The following PGM5 variants were observed in gnomAD, a reference collection of about 807,000 sequenced individuals.
PGM5 encodes phosphoglucomutase 5, also known as phosphoglucomutase-like protein 5.
PGM5 carries 23 observed loss-of-function variants against 59.2 expected under a neutral mutation model. The ratio of observed to expected loss-of-function variants is 0.39; its 90% CI spans 0.28 to 0.55. PGM5 has a LOEUF of 0.55. Among genes scored for constraint, PGM5 ranks in the 20% least tolerant of loss-of-function variants. The probability of loss-of-function intolerance (pLI) is 0.66; values close to 1 mark genes in which losing one functional copy is unlikely to be tolerated. For missense variants in PGM5, 574 were observed against 748.3 expected (o/e 0.77, Z 2.72); for synonymous variants, 214 against 286.0 (o/e 0.75, Z 2.54).
chr9:68,375,579 C>T (rs577089950), intron 1 of PGM5, among the ~76,000 whole-genome samples: 81 of 152,306 alleles, frequency 5.3e-4, no homozygotes, highest in Admixed American at 1.0e-3. Context: ...ATTCTCCATT[C>T]ATTAATTCAA....
At chr9:68,417,794 T>C (rs1823060152) in intron 6 of PGM5, among the ~76,000 whole-genome samples, 1 of 152,230 alleles carries the variant, frequency 6.6e-6, no homozygotes, top group Non-Finnish European at 1.5e-5. Flanking sequence ...TCTTGGGATC[T>C]GATGCTAGAC....
At chr9:68,510,353 A>G (rs1554689287) in intron 10 of PGM5, among the ~76,000 whole-genome samples, 1 of 151,808 alleles carries the variant, frequency 6.6e-6, no homozygotes, top group Non-Finnish European at 1.5e-5. Flanking sequence ...GGCTTTCACC[A>G]TGTTAGTCAG....
chr9:68,483,624 A>G (rs556797378), intron 8 of PGM5, among the ~76,000 whole-genome samples: 105 of 152,292 alleles, frequency 6.9e-4, no homozygotes, highest in African/African-American at 2.4e-3. Flanking sequence ...TCTCAATGTG[A>G]TGGGAATTTA....
rs750282732 is a variant in PGM5, at chr9:68,521,891, G to A, written c.1615-7676G>A. Reference sequence around the variant, plus strand: ...CCTCTCAGCTGCTCCTACAGACAGCGGCCAGTGCTCTTGCTCTCTCCCCTT... The same window carrying A: ...CCTCTCAGCTGCTCCTACAGACAGCAGCCAGTGCTCTTGCTCTCTCCCCTT... On this transcript the variant is annotated intron_variant, in intron 10 of 10. Coordinates refer to ENST00000396396, the MANE Select transcript of PGM5 (RefSeq NM_021965.4). Among the ~76,000 whole-genome samples the A allele has an allele frequency of 6.6e-5, 10 of 152,144 alleles. 1 individual carries two copies. Among genetic ancestry groups the A allele is most frequent in the Admixed American group, 3.9e-4 (6 of 15,266 alleles).
intron 6 of PGM5, among the ~76,000 whole-genome samples, chr9:68,461,548 C>T (rs575137939): frequency 9.9e-4 from 151 of 152,208 alleles, no homozygotes; most frequent in African/African-American, 3.6e-3. Flanking sequence ...AGAGATAGGG[C>T]CTTTAAGAGG....
chr9:68,473,055 C>T (rs1026294499), intron 7 of PGM5, among the ~76,000 whole-genome samples: 2 of 152,044 alleles, frequency 1.3e-5, no homozygotes. Context: ...AAGATCTGAA[C>T]ATAAGTGGTT....
intron 6 of PGM5, among the ~76,000 whole-genome samples, chr9:68,453,120 C>T (rs1823723063): frequency 6.6e-6 from 1 of 152,172 alleles, no homozygotes; most frequent in African/African-American, 2.4e-5. Flanking sequence ...ATACTCTACC[C>T]TCTTTGTGAA....
intron 1 of PGM5, among the ~76,000 whole-genome samples, chr9:68,376,902 C>CTCTT (rs201227927): frequency 5.2e-5 from 6 of 114,350 alleles, no homozygotes; most frequent in East Asian, 2.6e-4. Flanking sequence ...TTCTTTCTCT[C>CTCTT]TCTTTCTTTC....
intron 6 of PGM5, chr9:68,397,272 T>G: frequency 6.5e-6 from 1 of 152,774 alleles, no homozygotes. Flanking sequence ...TATTAAATAA[T>G]CTTTTGTGTC....
At chr9:68,426,624 T>C (rs1453875249) in intron 6 of PGM5, among the ~76,000 whole-genome samples, 1 of 152,054 alleles carries the variant, frequency 6.6e-6, no homozygotes, top group Non-Finnish European at 1.5e-5. Context: ...TTTTTTTTTT[T>C]TTTTGGCCAA....
chr9:68,528,011 C>G (rs527382147), intron 10 of PGM5, among the ~76,000 whole-genome samples: 20 of 152,288 alleles, frequency 1.3e-4, no homozygotes, highest in African/African-American at 4.8e-4. Context: ...TGTCTTGTAC[C>G]TTGTGCATTT....
intron 6 of PGM5, among the ~76,000 whole-genome samples, chr9:68,407,748 G>A (rs1318909279): frequency 6.6e-6 from 1 of 152,156 alleles, no homozygotes; most frequent in Non-Finnish European, 1.5e-5. Flanking sequence ...TGTGCATATT[G>A]TGAGCATTTG....
rs782788583 is a variant in PGM5 at position 68,391,691 on chromosome 9, A to G, written c.855A>G (p.Glu285=). 1.2e-5 allele frequency: 19 copies of G among 1,613,046 alleles called. No homozygotes were observed. Among genetic ancestry groups the G allele is most frequent in the Non-Finnish European group, 1.5e-5 (18 of 1,179,356 alleles). The change falls in exon 5 of 11, where the codon GAA becomes GAG. Residue 285 remains glutamate (E), a synonymous_variant. Coordinates refer to ENST00000396396, the MANE Select transcript of PGM5 (RefSeq NM_021965.4). ...TTCTGGAAGCAATGAAAGGAGGAGAATATGGATTTGGAGCTGCATTTGATG... is the reference window on the plus strand; with the variant it reads ...TTCTGGAAGCAATGAAAGGAGGAGAGTATGGATTTGGAGCTGCATTTGATG... The part of the protein sequence containing the change: ...TTLLEAMKGG[E]YGFGAAFDAD...
At chr9:68,419,842 C>T (rs1823098140) in intron 6 of PGM5, among the ~76,000 whole-genome samples, 1 of 152,162 alleles carries the variant, frequency 6.6e-6, no homozygotes, top group Non-Finnish European at 1.5e-5. Context: ...GTTAGAGCCT[C>T]ACATTGTTGA....
intron 6 of PGM5, among the ~76,000 whole-genome samples, chr9:68,453,487 C>T (rs1413526517): frequency 6.6e-6 from 1 of 151,990 alleles, no homozygotes; most frequent in Non-Finnish European, 1.5e-5. Context: ...TACAGGTGCA[C>T]ACCACCACAG....
intron 1 of PGM5, among the ~76,000 whole-genome samples, chr9:68,363,060 G>A (rs370113955): frequency 1.3e-5 from 2 of 149,326 alleles, no homozygotes; most frequent in Non-Finnish European, 3.0e-5. Context: ...ACTAGAGACG[G>A]GGTTTCACCA....
chr9:68,505,895 T>C (rs1023450437), intron 10 of PGM5, among the ~76,000 whole-genome samples: 3 of 152,170 alleles, frequency 2.0e-5, no homozygotes, highest in Non-Finnish European at 4.4e-5. Context: ...ACCACCTGTT[T>C]GGTTCCTCTG....
At chr9:68,459,504 A>C (rs1823826549) in intron 6 of PGM5, among the ~76,000 whole-genome samples, 1 of 152,180 alleles carries the variant, frequency 6.6e-6, no homozygotes, top group Admixed American at 6.5e-5. Flanking sequence ...TATGAGTATG[A>C]CATTCATTCT....
chr9:68,518,169 C>G (rs895433384), intron 10 of PGM5, among the ~76,000 whole-genome samples: 1 of 152,208 alleles, frequency 6.6e-6, no homozygotes, highest in African/African-American at 2.4e-5. Flanking sequence ...CCTGGCTTAA[C>G]AATCCCTGCT....
Sources: allele counts gnomAD v4.1 joint callset (sites outside exome capture counted in the v4.1 genomes callset), GRCh38; gene constraint gnomAD v4.1.1; transcripts MANE v1.5; gene names NCBI Gene and HGNC (gene_info 2026-07-23, HGNC 2026-07-21).